Variants in ARL17B observed in about 807,000 individuals in gnomAD.
The protein encoded by ARL17B is ARF like GTPase 17B.
At chr17:46,279,338 A>G (rs1275622642) in intron 4 of ARL17B, among the ~76,000 whole-genome samples, 1 of 150,724 alleles carries the variant, frequency 6.6e-6, no homozygotes, top group Non-Finnish European at 1.5e-5. Context: ...TGCCTACCAC[A>G]ATGCCTGGCT....
chr17:46,308,015 T>G lies in ARL17B; in HGVS notation c.260-8350A>C, dbSNP rs1371319005. ...GGACAGAGTGAGACTCTGTCTCAAA[T>G]AATAATAATAATATAATAATAATAA... On this transcript the variant is annotated intron_variant, in intron 3 of 4. Coordinates refer to the ARL17B transcript ENST00000434041. Among the ~76,000 whole-genome samples the G allele has an allele frequency of 5.5e-5, 4 of 72,962 alleles. 2 individuals are homozygous for G. The highest frequency in any genetic ancestry group is 1.4e-4 in the African/African-American group (4 of 28,566). 47.9% of individuals were successfully genotyped at this position (72,962 alleles called of 152,430 possible).
chr17:46,275,389 G>T lies in ARL17B; in HGVS notation c.*51C>A, dbSNP rs1598057253. 4 of 1,003,086 alleles carry T rather than the reference G, an allele frequency of 4.0e-6. No individual in the cohort carries two copies. In the East Asian group the frequency reaches 1.5e-4, roughly 37 times the overall value. 62.1% of individuals were successfully genotyped at this position (1,003,086 alleles called of 1,614,324 possible). On this transcript the variant is annotated 3_prime_UTR_variant, in exon 5 of 5. Coordinates refer to the ARL17B transcript ENST00000570618. ...AGGTTAACATGCTGAACTTTAGGAAGCTGTAGACTGCAGTTTGTTGTTGTG... is the reference window on the plus strand; with the variant it reads ...AGGTTAACATGCTGAACTTTAGGAATCTGTAGACTGCAGTTTGTTGTTGTG...
chr17:46,282,978 G>C (rs1380593515), intron 4 of ARL17B, among the ~76,000 whole-genome samples: 2 of 151,956 alleles, frequency 1.3e-5, no homozygotes, highest in African/African-American at 2.4e-5. Flanking sequence ...AATTAGTCGG[G>C]TGTGATGGCA....
At position 46,319,212 on chromosome 17, in the gene ARL17B, A is replaced by ATTTTTTTTTTTT. The variant is rs1225879085; in HGVS notation, c.260-19559_260-19548dup. ...GTTCTGAAAAAGTTTATTGTGGTCAATTTTTTTTTTTTTTTTTTTTTTTTT... is the reference window on the plus strand; with the variant it reads ...GTTCTGAAAAAGTTTATTGTGGTCAATTTTTTTTTTTTTTTTTTTTTTTTTTTTTTTTTTTTT... On this transcript the variant is annotated intron_variant, in intron 3 of 4. Transcript: ENST00000434041. Among the ~76,000 whole-genome samples, 8 of 1,640 alleles carry ATTTTTTTTTTTT rather than the reference A, an allele frequency of 4.9e-3. 2 individuals are homozygous for ATTTTTTTTTTTT. Among genetic ancestry groups the ATTTTTTTTTTTT allele is most frequent in the African/African-American group, 0.01 (4 of 400 alleles). The allele number at this position is 1,640 out of a possible 152,430, so 1.1% of individuals were successfully genotyped here. A position where few individuals can be genotyped will look rare whatever the true frequency, so the allele number is the denominator to read the frequency against.
At chr17:46,279,462 G>A (rs940602114) in intron 4 of ARL17B, among the ~76,000 whole-genome samples, 1 of 150,896 alleles carries the variant, frequency 6.6e-6, no homozygotes, top group African/African-American at 2.4e-5. Flanking sequence ...GGGATTACAG[G>A]CATGAGCCAC....
chr17:46,281,890 C>T (rs2950686), intron 4 of ARL17B, among the ~76,000 whole-genome samples: 9 of 152,286 alleles, frequency 5.9e-5, no homozygotes, highest in Non-Finnish European at 7.3e-5. Flanking sequence ...GTGATCCACC[C>T]GCCTCGGCCT....
At chr17:46,279,177 T>C (rs1431658603) in intron 4 of ARL17B, among the ~76,000 whole-genome samples, 1 of 112,268 alleles carries the variant, frequency 8.9e-6, no homozygotes, top group Non-Finnish European at 2.4e-5. Context: ...AAGGCATTCT[T>C]TTTTTTCTTT....
chr17:46,289,984 T>C (rs1332396831), intron 4 of ARL17B, among the ~76,000 whole-genome samples: 1 of 152,222 alleles, frequency 6.6e-6, no homozygotes, highest in African/African-American at 2.4e-5. Context: ...CCAGGTGTGG[T>C]GGCGCATGCC....
At chr17:46,330,911 A>T, downstream of ARL17B, 1 of 725,426 alleles carries the variant, frequency 1.4e-6, no homozygotes, top group Non-Finnish European at 2.1e-6. Flanking sequence ...TCCAGCCCCA[A>T]GGGAGGTGGA....
intron 4 of ARL17B, among the ~76,000 whole-genome samples, chr17:46,286,132 G>A (rs927273563): frequency 3.9e-5 from 6 of 152,222 alleles, no homozygotes; most frequent in African/African-American, 1.4e-4. Flanking sequence ...AAAACAGATG[G>A]GATGATGTTA....
chr17:46,325,082 A>T (rs1479856690), intron 3 of ARL17B, among the ~76,000 whole-genome samples: 1 of 72,658 alleles, frequency 1.4e-5, no homozygotes, highest in African/African-American at 3.6e-5. Flanking sequence ...TCACTTTCTT[A>T]TCTTGACCAG....
At chr17:46,288,131 A>G (rs1302274979) in intron 4 of ARL17B, among the ~76,000 whole-genome samples, 2 of 152,028 alleles carry the variant, frequency 1.3e-5, no homozygotes, top group East Asian at 3.9e-4. Context: ...ATACATGGCT[A>G]TGTAGTTTAT....
intron 4 of ARL17B, among the ~76,000 whole-genome samples, chr17:46,287,854 C>T (rs1169161996): frequency 2.0e-5 from 3 of 152,192 alleles, no homozygotes; most frequent in African/African-American, 7.2e-5. Flanking sequence ...GCACAGTGGC[C>T]TCTGTAATAA....
At chr17:46,276,047 C>T (rs376781307) in intron 4 of ARL17B, among the ~76,000 whole-genome samples, 15,477 of 143,700 alleles carry the variant, frequency 0.11, 1 homozygote, top group Middle Eastern at 0.17. Context: ...CCTGCCACCA[C>T]ACCCGGCTAA....
chr17:46,288,614 A>T (rs2732608), intron 4 of ARL17B, among the ~76,000 whole-genome samples: 21,813 of 118,834 alleles, frequency 0.18, 2,015 homozygotes, highest in Middle Eastern at 0.29. Flanking sequence ...CATATTTTTT[A>T]AAAAAAGTTT....
At chr17:46,277,641 C>CTTTTCT (rs779380997) in intron 4 of ARL17B, among the ~76,000 whole-genome samples, 7,250 of 144,500 alleles carry the variant, frequency 0.05, no homozygotes, top group Middle Eastern at 0.079. Context: ...CTTTTCTTTT[C>CTTTTCT]TTTCTTTCTT....
At chr17:46,285,031 T>C (rs76506973) in intron 4 of ARL17B, among the ~76,000 whole-genome samples, 6,580 of 151,858 alleles carry the variant, frequency 0.043, 161 homozygotes, top group Middle Eastern at 0.14. Flanking sequence ...GCCCAGCTAA[T>C]TTTTTATTTT....
intron 4 of ARL17B, among the ~76,000 whole-genome samples, chr17:46,276,790 C>CTTTTCTTTTTT (rs2049598576): frequency 3.7e-5 from 5 of 134,300 alleles, no homozygotes; most frequent in Non-Finnish European, 8.0e-5. Context: ...TTCTTTTTTT[C>CTTTTCTTTTTT]TTTTTTTTTT....
intron 4 of ARL17B, among the ~76,000 whole-genome samples, chr17:46,289,251 C>A (rs532859758): frequency 6.6e-6 from 1 of 152,200 alleles, no homozygotes; most frequent in African/African-American, 2.4e-5. Context: ...GACATAAACA[C>A]GGCTTGCTAT....
Sources: allele counts gnomAD v4.1 joint callset (sites outside exome capture counted in the v4.1 genomes callset), GRCh38; gene constraint gnomAD v4.1.1; transcripts MANE v1.5; gene names NCBI Gene and HGNC (gene_info 2026-07-23, HGNC 2026-07-21).